Variants in PDIA4 observed in about 807,000 individuals in gnomAD.
PDIA4 encodes protein disulfide-isomerase A4.
PDIA4 carries 33 observed loss-of-function variants against 62.1 expected under a neutral mutation model. That is an observed-to-expected ratio of 0.53 (90% CI 0.40 to 0.71). The LOEUF is 0.71. PDIA4 is among the 30% of genes least tolerant of loss of function. PDIA4 has a pLI of 0.00. For synonymous variants in PDIA4, 341 were observed against 324.1 expected (o/e 1.05, Z -0.56); for missense variants, 804 against 813.6 (o/e 0.99, Z 0.14).
At chr7:149,005,096 A>G (rs1823696665) in intron 9 of PDIA4, 45 bp downstream of exon 9, 1 of 1,470,722 alleles carries the variant, frequency 6.8e-7, no homozygotes, top group African/African-American at 1.4e-5. Context: ...CCGCACGAGG[A>G]GCACAGCAGC....
intron 4 of PDIA4, among the ~76,000 whole-genome samples, chr7:149,013,202 C>T (rs754441294): frequency 1.3e-5 from 2 of 152,044 alleles, no homozygotes; most frequent in East Asian, 1.9e-4. Flanking sequence ...GAGCCAAGAT[C>T]GCACCACTGC....
intron 1 of PDIA4, chr7:149,027,874 G>C: frequency 2.1e-6 from 1 of 476,396 alleles, no homozygotes; most frequent in Middle Eastern, 3.2e-4. Context: ...AATGCTTGCT[G>C]TTCCAAAGAA....
intron 4 of PDIA4, among the ~76,000 whole-genome samples, chr7:149,012,591 A>G (rs1251656418): frequency 1.3e-5 from 2 of 152,174 alleles, no homozygotes; most frequent in Non-Finnish European, 2.9e-5. Flanking sequence ...GCATGCGTAC[A>G]CACATGTACA....
intron 3 of PDIA4, among the ~76,000 whole-genome samples, chr7:149,017,453 G>A (rs1824177143): frequency 6.6e-6 from 1 of 151,946 alleles, no homozygotes; most frequent in Non-Finnish European, 1.5e-5. Context: ...GCGTGGTGGT[G>A]TGTCCCTGTA....
In PDIA4 at chr7:149,005,881, G is replaced by C. The variant is rs770231079; in HGVS notation, c.1288+16C>G. On this transcript the variant is annotated intron_variant, in intron 8 of 9. Transcript: ENST00000652332. ...CCCACCCCCCACCCCCGCAGGTCTT[G>C]GTGGGGGTCCCTCACCAGCTCTGTA... The C allele has an allele frequency of 6.7e-6, 10 of 1,490,568 alleles. No homozygotes were observed. The highest frequency in any genetic ancestry group is 1.5e-5 in the African/African-American group (1 of 67,984). 92.3% of individuals were successfully genotyped at this position (1,490,568 alleles called of 1,614,324 possible).
chr7:149,028,068 C>G, intron 1 of PDIA4: 1 of 630,258 alleles, frequency 1.6e-6, no homozygotes, highest in Admixed American at 2.4e-5. Context: ...TGACAGGGGT[C>G]TTCCAGGGCG....
At chr7:149,017,855 C>G (rs1358148767) in intron 3 of PDIA4, among the ~76,000 whole-genome samples, 2 of 152,208 alleles carry the variant, frequency 1.3e-5, no homozygotes, top group African/African-American at 4.8e-5. Flanking sequence ...GGATGTGGCT[C>G]TCTGCACCTG....
Position 149,014,836 on chromosome 7 carries a change from G to C in PDIA4, c.614+68C>G, listed in dbSNP as rs759885951. On this transcript the variant is annotated intron_variant, in intron 4 of 9. Transcript: ENST00000652332. ...TCTGCTGTTCCTGCCTCACGGGCAG[G>C]GGCCTGCCACCCCGCACCTAGTGCC... is the stretch of plus-strand genomic sequence containing the variant. 5.3e-6 allele frequency: 8 copies of C among 1,499,540 alleles called. No individual in the cohort carries two copies. The East Asian group carries it at 1.8e-4, about 34-fold the overall frequency. The allele number at this position is 1,499,540 out of a possible 1,614,324, so 92.9% of individuals were successfully genotyped here.
At position 149,012,370 on chromosome 7, in the gene PDIA4, G is replaced by A. The variant is rs1823978011; in HGVS notation, c.615-10C>T. 1 of 1,610,954 alleles carries A rather than the reference G, an allele frequency of 6.2e-7. No individual in the cohort carries two copies. The highest frequency in any genetic ancestry group is 1.7e-5 in the Admixed American group (1 of 60,010). On this transcript the variant is annotated splice_polypyrimidine_tract_variant and intron_variant, in intron 4 of 9. Transcript: ENST00000652332. Reference sequence around the variant, plus strand: ...CTTGCAGTGTCCACACCTGCCAAGAGGAAACTGGTTTGTCAGGGGCTCATT... The same window carrying A: ...CTTGCAGTGTCCACACCTGCCAAGAAGAAACTGGTTTGTCAGGGGCTCATT...
intron 1 of PDIA4, among the ~76,000 whole-genome samples, chr7:149,027,185 T>G (rs1192834404): frequency 1.3e-5 from 2 of 152,152 alleles, no homozygotes; most frequent in Non-Finnish European, 2.9e-5. Context: ...TCTGCTTCAG[T>G]GTATTTTGGG....
chr7:149,019,755 G>C (rs1188857644), intron 2 of PDIA4, among the ~76,000 whole-genome samples: 1 of 152,156 alleles, frequency 6.6e-6, no homozygotes, highest in Non-Finnish European at 1.5e-5. Context: ...AGGTTGCAGT[G>C]ATCAGAGATC....
intron 3 of PDIA4, among the ~76,000 whole-genome samples, chr7:149,015,650 G>A (rs940688064): frequency 1.1e-4 from 17 of 152,104 alleles, no homozygotes; most frequent in Admixed American, 6.6e-4. Flanking sequence ...CAATAAATTC[G>A]TACAAAAAAT....
chr7:149,017,823 C>T lies in PDIA4; in HGVS notation c.475+1169G>A, dbSNP rs374179054. ...GGCAGGGATCCATCAGGCCAGATTG[C>T]AGACATCCTCAGAGAATCCCTGGAT... On this transcript the variant is annotated intron_variant, in intron 3 of 9. Transcript: ENST00000652332. Among the ~76,000 whole-genome samples the T allele has an allele frequency of 8.5e-5, 13 of 152,316 alleles. No individual in the cohort carries two copies. In the South Asian group the frequency reaches 1.7e-3, roughly 19 times the overall value.
intron 3 of PDIA4, among the ~76,000 whole-genome samples, chr7:149,018,713 T>A (rs1261205219): frequency 2.0e-5 from 3 of 152,082 alleles, no homozygotes; most frequent in African/African-American, 4.8e-5. Flanking sequence ...GTTACAGGTG[T>A]GAGCCACCAT....
In PDIA4 at chr7:149,012,249, G is replaced by T. The variant is rs1204658379; in HGVS notation, c.726C>A (p.Asp242Glu). Residue 242 changes from aspartate to glutamate, a missense_variant, in exon 5 of 10, where the codon GAC (aspartate) becomes GAA (glutamate). Coordinates refer to ENST00000652332, the MANE Select transcript of PDIA4 (RefSeq NM_004911.5). ...CAGAGACATCAAACCTCTTGGCCAG[G>T]TCTGTTTCTGCGGTGGCGTCGACCT... ...LAKVDATAET[D>E]LAKRFDVSGY... 6.2e-7 allele frequency: 1 copy of T among 1,614,176 alleles called. No individual in the cohort carries two copies. Among genetic ancestry groups the T allele is most frequent in the Non-Finnish European group, 8.5e-7 (1 of 1,180,036 alleles).
intron 1 of PDIA4, among the ~76,000 whole-genome samples, chr7:149,022,855 A>C (rs771946464): frequency 6.6e-6 from 1 of 152,206 alleles, no homozygotes; most frequent in South Asian, 2.1e-4. Context: ...ACCAATCTGC[A>C]AACTTTACAA....
intron 6 of PDIA4, among the ~76,000 whole-genome samples, chr7:149,011,179 A>G (rs1407310241): frequency 2.6e-5 from 4 of 152,120 alleles, no homozygotes; most frequent in Non-Finnish European, 5.9e-5. Context: ...GTAGTGGGAG[A>G]GGGTAGCACT....
chr7:149,019,880 T>C (rs1334368076), intron 2 of PDIA4, among the ~76,000 whole-genome samples: 1 of 152,236 alleles, frequency 6.6e-6, no homozygotes, highest in Non-Finnish European at 1.5e-5. Flanking sequence ...ATGACCCATA[T>C]AAAAAGCCCT....
intron 1 of PDIA4, among the ~76,000 whole-genome samples, chr7:149,026,127 G>C (rs1472474004): frequency 6.6e-6 from 1 of 152,142 alleles, no homozygotes; most frequent in African/African-American, 2.4e-5. Flanking sequence ...ACACTTGAGG[G>C]GTGAGGTAGT....
Sources: gnomAD v4.1 joint callset for allele counts (sites outside exome capture counted in the v4.1 genomes callset) on GRCh38, gnomAD v4.1.1 for gene constraint, MANE v1.5 for transcripts, NCBI Gene and HGNC (gene_info 2026-07-23, HGNC 2026-07-21) for gene names.